Variants in ERC2 observed in about 807,000 individuals in gnomAD.
ERC2 encodes the protein ELKS/RAB6-interacting/CAST family member 2, also known as ERC protein 2.
A neutral mutation model predicts 114.8 loss-of-function variants in ERC2; 42 were observed. That is an observed-to-expected ratio of 0.37 (90% CI 0.29 to 0.47). ERC2 has a LOEUF of 0.47. ERC2 is among the 20% of genes least tolerant of loss of function. The probability of loss-of-function intolerance (pLI) is 0.99; values close to 1 mark genes in which losing one functional copy is unlikely to be tolerated. For synonymous variants in ERC2, 454 were observed against 425.5 expected (o/e 1.07, Z -0.82); for missense variants, 939 against 1,150.7 (o/e 0.82, Z 2.66).
chr3:56,018,903 C>T lies in ERC2; in HGVS notation c.1770G>A (p.Leu590=), dbSNP rs1401755475. ...DTALATLEEA[L]SEKERIIERL... is the part of the protein sequence containing the mutation. The stretch of plus-strand genomic sequence containing the variant: ...TTGAGTGCATGCTCACCTTCTCTGA[C>T]AGAGCTTCCTCTAGCGTCGCCAGTG... Residue 590 remains leucine, a synonymous_variant, in exon 8 of 18, where the codon CTG becomes CTA. Transcript: ENST00000288221. 6.2e-7 allele frequency: 1 copy of T among 1,611,488 alleles called. No homozygotes were observed. The highest frequency in any genetic ancestry group is 8.5e-7 in the Non-Finnish European group (1 of 1,178,990).
In ERC2 at chr3:55,900,862, T is replaced by G. The variant is rs192465887; in HGVS notation, c.2404-12313A>C. ...ATCATTACTGGTGATTTAGATAATATCCTATTTGATTCTCACATATTCCCA... is the reference window on the plus strand; with the variant it reads ...ATCATTACTGGTGATTTAGATAATAGCCTATTTGATTCTCACATATTCCCA... On this transcript the variant is annotated intron_variant, in intron 13 of 17. Coordinates refer to ENST00000288221, the MANE Select transcript of ERC2 (RefSeq NM_015576.3). Among the ~76,000 whole-genome samples the G allele has an allele frequency of 3.2e-3, 492 of 152,326 alleles. 4 individuals carry two copies. Among genetic ancestry groups the G allele is most frequent in the African/African-American group, 0.011 (463 of 41,568 alleles).
chr3:55,804,373 A>ACT (rs2059415173), intron 14 of ERC2, among the ~76,000 whole-genome samples: 1 of 151,820 alleles, frequency 6.6e-6, no homozygotes, highest in East Asian at 1.9e-4. Context: ...AGGAGAGTAA[A>ACT]CTCTACTGTT....
intron 17 of ERC2, among the ~76,000 whole-genome samples, chr3:55,671,983 C>A (rs138619335): frequency 2.6e-5 from 4 of 152,274 alleles, no homozygotes; most frequent in African/African-American, 9.6e-5. Flanking sequence ...GTGGAGAAAC[C>A]TATTAATGCT....
At chr3:56,136,292 G>A (rs944772501) in intron 6 of ERC2, among the ~76,000 whole-genome samples, 2 of 152,148 alleles carry the variant, frequency 1.3e-5, no homozygotes, top group Non-Finnish European at 2.9e-5. Context: ...TGATGGCACA[G>A]ATATAGCAGG....
intron 7 of ERC2, among the ~76,000 whole-genome samples, chr3:56,058,739 C>G (rs1004728280): frequency 2.6e-5 from 4 of 152,210 alleles, no homozygotes; most frequent in Non-Finnish European, 5.9e-5. Context: ...TAGCAGACAG[C>G]CTTGGACTCA....
rs1184928552 is a variant in ERC2 at position 55,510,447 on chromosome 3, CAG to C, written c.*867_*868del. 1 of 152,484 alleles carries C rather than the reference CAG, an allele frequency of 6.6e-6. No individual in the cohort carries two copies. The highest frequency in any genetic ancestry group is 1.5e-5 in the Non-Finnish European group (1 of 68,044). The allele number at this position is 152,484 out of a possible 1,614,324, so 9.4% of individuals were successfully genotyped here. ...CCCCACCGTGGGGATGTGCAGAACA[CAG>C]GGACTAGAGATATGCAGGTGCCTCA... On this transcript the variant is annotated 3_prime_UTR_variant, in exon 18 of 18. Coordinates refer to ENST00000288221, the MANE Select transcript of ERC2 (RefSeq NM_015576.3).
At chr3:55,731,001 G>C (rs1247275974) in intron 15 of ERC2, among the ~76,000 whole-genome samples, 3 of 152,310 alleles carry the variant, frequency 2.0e-5, no homozygotes, top group Non-Finnish European at 2.9e-5. Context: ...CAGCCATGCA[G>C]GTCAAGACAA....
In ERC2 at chr3:56,173,457, T is replaced by C. The variant is rs760333827; in HGVS notation, c.1138A>G (p.Ile380Val). ...PAKTKALQTV[I>V]EMKDTKIASL... ...TGCACAGTTCCTACCTTCATTTCGA[T>C]GACAGTCTGGAGAGCCTTCGTCTTG... Residue 380 changes from isoleucine to valine, a missense_variant, in exon 4 of 18, where the codon ATC becomes GTC. This residue lies in a region of ERC2 where 148 missense variants were observed against 159.1 expected (regional missense o/e 0.93). Transcript: ENST00000288221. The C allele has an allele frequency of 1.9e-6, 3 of 1,613,944 alleles. No homozygotes were observed. Among genetic ancestry groups the C allele is most frequent in the Admixed American group, 3.3e-5 (2 of 60,024 alleles).
intron 17 of ERC2, among the ~76,000 whole-genome samples, chr3:55,540,507 T>C (rs1274396242): frequency 2.0e-5 from 3 of 152,172 alleles, no homozygotes; most frequent in African/African-American, 7.2e-5. Flanking sequence ...CTATGCTCAT[T>C]TGGGAGAAGA....
At chr3:55,859,985 T>C (rs1300886657) in intron 14 of ERC2, among the ~76,000 whole-genome samples, 1 of 152,110 alleles carries the variant, frequency 6.6e-6, no homozygotes, top group East Asian at 1.9e-4. Context: ...CTATTCATCT[T>C]CATTTCACAG....
chr3:56,089,586 C>CTT (rs3052550), intron 6 of ERC2, among the ~76,000 whole-genome samples: 25,184 of 151,568 alleles, frequency 0.17, 2,213 homozygotes, highest in African/African-American at 0.21. Context: ...CAAAATCTAG[C>CTT]TTTTTTTTAA....
chr3:55,520,265 G>C (rs2052823647), intron 17 of ERC2, among the ~76,000 whole-genome samples: 1 of 150,966 alleles, frequency 6.6e-6, no homozygotes, highest in Non-Finnish European at 1.5e-5. Flanking sequence ...GTGAAACCCT[G>C]TCTCTACTAA....
intron 12 of ERC2, among the ~76,000 whole-genome samples, chr3:55,968,137 C>CT (rs5849120): frequency 0.29 from 43,426 of 151,878 alleles, 7,402 homozygotes; most frequent in Middle Eastern, 0.36. Flanking sequence ...CTATTATTTT[C>CT]TTTTTTTAAC....
chr3:55,929,249 C>T (rs1198039722), intron 13 of ERC2, among the ~76,000 whole-genome samples: 6 of 152,138 alleles, frequency 3.9e-5, no homozygotes, highest in African/African-American at 1.4e-4. Flanking sequence ...AGAGCTCCCC[C>T]TAAAACTTCC....
At chr3:56,025,511 A>G (rs2149605956) in intron 7 of ERC2, among the ~76,000 whole-genome samples, 1 of 152,304 alleles carries the variant, frequency 6.6e-6, no homozygotes, top group East Asian at 1.9e-4. Context: ...GTCAGCTTCC[A>G]GAGGCTATAT....
At chr3:55,661,327 G>C (rs918910842) in intron 17 of ERC2, among the ~76,000 whole-genome samples, 1 of 152,148 alleles carries the variant, frequency 6.6e-6, no homozygotes, top group African/African-American at 2.4e-5. Flanking sequence ...GCAGAATTCA[G>C]CTCCGTCTGG....
chr3:56,346,462 G>A (rs2058312245), intron 2 of ERC2, among the ~76,000 whole-genome samples: 1 of 151,968 alleles, frequency 6.6e-6, no homozygotes, highest in Non-Finnish European at 1.5e-5. Flanking sequence ...GAATACCCAA[G>A]GCTGGGTAAT....
intron 7 of ERC2, among the ~76,000 whole-genome samples, chr3:56,053,916 A>C (rs78318205): frequency 0.016 from 2,452 of 152,186 alleles, 63 homozygotes; most frequent in African/African-American, 0.056. Context: ...ACCTCCTCAA[A>C]GTTACAGGAG....
intron 5 of ERC2, among the ~76,000 whole-genome samples, chr3:56,145,783 T>C (rs1309351345): frequency 2.6e-5 from 4 of 152,178 alleles, no homozygotes; most frequent in African/African-American, 9.7e-5. Flanking sequence ...TAAAAGCAAT[T>C]CAGGCATTCA....
Sources: gnomAD v4.1 joint callset for allele counts (sites outside exome capture counted in the v4.1 genomes callset) on GRCh38, gnomAD v4.1.1 for gene constraint, gnomAD v4.1.1 regional missense constraint, MANE v1.5 for transcripts, NCBI Gene and HGNC (gene_info 2026-07-23, HGNC 2026-07-21) for gene names.